The following PRKAR2B variants were observed in gnomAD, a reference collection of about 807,000 sequenced individuals.
PRKAR2B encodes the protein protein kinase cAMP-dependent type II regulatory subunit beta, also known as cAMP-dependent protein kinase type II-beta regulatory subunit.
In PRKAR2B, 14 loss-of-function variants were observed where a neutral mutation model predicts 49.9. That is an observed-to-expected ratio of 0.28 (90% CI 0.19 to 0.44). The LOEUF is 0.44. Among genes scored for constraint, PRKAR2B ranks in the 20% least tolerant of loss-of-function variants. The pLI is 1.00. For synonymous variants in PRKAR2B, 196 were observed against 197.7 expected (o/e 0.99, Z 0.07); for missense variants, 393 against 537.9 (o/e 0.73, Z 2.67).
intron 1 of PRKAR2B, among the ~76,000 whole-genome samples, chr7:107,063,907 C>CTCTT (rs1339538029): frequency 6.6e-6 from 1 of 152,168 alleles, no homozygotes; most frequent in Non-Finnish European, 1.5e-5. Context: ...GGATTGTTTA[C>CTCTT]TCTTACAAGC....
At chr7:107,115,110 A>C (rs1484470253) in intron 2 of PRKAR2B, among the ~76,000 whole-genome samples, 1 of 151,598 alleles carries the variant, frequency 6.6e-6, no homozygotes, top group Non-Finnish European at 1.5e-5. Context: ...GATGGTTTAG[A>C]ACCTACCTAA....
chr7:107,139,257 G>T (rs1252223239), intron 4 of PRKAR2B, among the ~76,000 whole-genome samples: 1 of 152,160 alleles, frequency 6.6e-6, no homozygotes, highest in Non-Finnish European at 1.5e-5. Context: ...CTGTCAACCA[G>T]TGCACTGTTT....
At chr7:107,067,986 A>T (rs543073314) in intron 1 of PRKAR2B, among the ~76,000 whole-genome samples, 16 of 152,192 alleles carry the variant, frequency 1.1e-4, no homozygotes, top group Non-Finnish European at 1.9e-4. Context: ...GTTATGCAGG[A>T]CAAAAGTTGA....
Position 107,121,681 on chromosome 7 carries a change from A to G in PRKAR2B, c.344-271A>G, listed in dbSNP as rs113685704. Among the ~76,000 whole-genome samples, 960 of 152,246 alleles carry G rather than the reference A, an allele frequency of 6.3e-3. 15 individuals carry two copies. Among genetic ancestry groups the G allele is most frequent in the African/African-American group, 0.022 (922 of 41,560 alleles). Reference sequence around the variant, plus strand: ...AATGTTTAGATATCATGCCTTGGAAATGAAAATGAAAAGGTTTAAGCTATG... The same window carrying G: ...AATGTTTAGATATCATGCCTTGGAAGTGAAAATGAAAAGGTTTAAGCTATG... On this transcript the variant is annotated intron_variant, in intron 2 of 10. Coordinates refer to ENST00000265717, the MANE Select transcript of PRKAR2B (RefSeq NM_002736.3).
At chr7:107,051,109 G>A (rs1414879158) in intron 1 of PRKAR2B, among the ~76,000 whole-genome samples, 2 of 152,158 alleles carry the variant, frequency 1.3e-5, no homozygotes, top group African/African-American at 2.4e-5. Flanking sequence ...TCCAAATTTG[G>A]TAGGTTTTGG....
At chr7:107,132,836 A>C (rs1457872676) in intron 4 of PRKAR2B, among the ~76,000 whole-genome samples, 1 of 152,204 alleles carries the variant, frequency 6.6e-6, no homozygotes, top group Admixed American at 6.5e-5. Context: ...TAGACTTCAG[A>C]AAATTTTTCC....
Position 107,113,774 on chromosome 7 carries a change from C to G in PRKAR2B, c.344-8178C>G, listed in dbSNP as rs573280576. 2.0e-5 allele frequency among the ~76,000 whole-genome samples: 3 copies of G among 152,144 alleles called. No individual in the cohort carries two copies. In the South Asian group the frequency reaches 6.2e-4, roughly 32 times the overall value. ...TGTAAAATACCGTGGATTACATGCA[C>G]CTGTCTTTTCTTGGGTTAGTCTTGT... On this transcript the variant is annotated intron_variant, in intron 2 of 10. Transcript: ENST00000265717.
At chr7:107,109,516 G>A (rs1167995112) in intron 2 of PRKAR2B, among the ~76,000 whole-genome samples, 1 of 151,354 alleles carries the variant, frequency 6.6e-6, no homozygotes, top group African/African-American at 2.4e-5. Context: ...TTCCACCTCA[G>A]CCTCCTAAAT....
At chr7:107,149,019 A>G (rs1482146040) in intron 6 of PRKAR2B, among the ~76,000 whole-genome samples, 1 of 152,224 alleles carries the variant, frequency 6.6e-6, no homozygotes, top group Non-Finnish European at 1.5e-5. Context: ...CTGTTTTGCA[A>G]TAACCGCTGT....
intron 1 of PRKAR2B, 120 bp downstream of exon 1, chr7:107,045,334 T>G: frequency 1.2e-6 from 1 of 842,706 alleles, no homozygotes; most frequent in Non-Finnish European, 1.8e-6. Flanking sequence ...TCTCCACCTT[T>G]CCCTACCTTC....
intron 2 of PRKAR2B, among the ~76,000 whole-genome samples, chr7:107,101,135 ATTTTTTTT>A (rs950761298): frequency 3.2e-5 from 3 of 94,690 alleles, no homozygotes; most frequent in Non-Finnish European, 6.1e-5. Context: ...GTTGTTGCTT[ATTTTTTTT>A]TTTTTTTTTT....
rs571091650 is a variant in PRKAR2B, at chr7:107,068,618, A to G, written c.308-1663A>G. ...GTGGTATATAAATAGTAAATATTGT[A>G]TGTCTTTCAGTCACTTTGGAGGATA... On this transcript the variant is annotated intron_variant, in intron 1 of 10. Transcript: ENST00000265717. 3 of 152,270 alleles carry G rather than the reference A, an allele frequency of 2.0e-5. No individual in the cohort carries two copies. The South Asian group carries it at 6.2e-4, about 32-fold the overall frequency. 9.4% of individuals were successfully genotyped at this position (152,270 alleles called of 1,614,324 possible). A position where few individuals can be genotyped will look rare whatever the true frequency, so the allele number is the denominator to read the frequency against.
chr7:107,055,202 C>G (rs1265084452), intron 1 of PRKAR2B, among the ~76,000 whole-genome samples: 3 of 152,136 alleles, frequency 2.0e-5, no homozygotes, highest in Non-Finnish European at 4.4e-5. Flanking sequence ...TTTCTTAATC[C>G]AGTCTATCAT....
At chr7:107,119,890 C>A (rs137877659) in intron 2 of PRKAR2B, among the ~76,000 whole-genome samples, 12 of 152,262 alleles carry the variant, frequency 7.9e-5, no homozygotes, top group African/African-American at 2.6e-4. Context: ...ATTCCTGTTA[C>A]GTTTCTGAGA....
chr7:107,060,122 ATT>A (rs991095232), intron 1 of PRKAR2B, among the ~76,000 whole-genome samples: 2 of 152,184 alleles, frequency 1.3e-5, no homozygotes, highest in African/African-American at 4.8e-5. Flanking sequence ...TATTTTAAGT[ATT>A]TATCAGTTTT....
chr7:107,105,471 G>A (rs1462958748), intron 2 of PRKAR2B, among the ~76,000 whole-genome samples: 2 of 152,192 alleles, frequency 1.3e-5, no homozygotes, highest in Admixed American at 6.5e-5. Flanking sequence ...TTTTTGGCTG[G>A]TTGTCAATCC....
At chr7:107,105,109 G>GT (rs568076133) in intron 2 of PRKAR2B, among the ~76,000 whole-genome samples, 6 of 152,212 alleles carry the variant, frequency 3.9e-5, no homozygotes, top group Admixed American at 2.0e-4. Context: ...AAAAATTATT[G>GT]TTTTTTTCCG....
intron 2 of PRKAR2B, among the ~76,000 whole-genome samples, chr7:107,108,410 G>C (rs1795116178): frequency 6.6e-6 from 1 of 152,186 alleles, no homozygotes; most frequent in Non-Finnish European, 1.5e-5. Context: ...AGACTAAAGA[G>C]ACAAAAAGAT....
At chr7:107,126,263 A>C (rs981394308) in intron 3 of PRKAR2B, among the ~76,000 whole-genome samples, 4 of 147,878 alleles carry the variant, frequency 2.7e-5, no homozygotes, top group East Asian at 2.0e-4. Flanking sequence ...AAAAAAAAAA[A>C]AAAAAACCAA....
Sources: gnomAD v4.1 joint callset for allele counts (sites outside exome capture counted in the v4.1 genomes callset) on GRCh38, gnomAD v4.1.1 for gene constraint, MANE v1.5 for transcripts, NCBI Gene and HGNC (gene_info 2026-07-23, HGNC 2026-07-21) for gene names.